TRDMT1: variants seen among roughly 807,000 people sequenced by gnomAD.
TRDMT1 encodes the protein tRNA (cytosine(38)-C(5))-methyltransferase.
Under a neutral mutation model 51.2 loss-of-function variants are expected in TRDMT1, and 49 were observed. The observed-to-expected ratio is 0.96, with a 90% CI of 0.76 to 1.21. The LOEUF (loss-of-function observed/expected upper bound fraction) is 1.21. Ranked by LOEUF, TRDMT1 falls within the 50% of genes most tolerant of loss-of-function variation. The pLI is 0.00. For missense variants in TRDMT1, 534 were observed against 462.3 expected (o/e 1.16, Z -1.42); for synonymous variants, 187 against 164.6 (o/e 1.14, Z -1.04).
intron 10 of TRDMT1, chr10:17,151,744 A>G (rs1588703208): frequency 1.2e-6 from 1 of 818,540 alleles, no homozygotes; most frequent in Non-Finnish European, 1.5e-6. Flanking sequence ...AAAAGTAAAT[A>G]CATGGCTCAT....
At chr10:17,175,549 G>C (rs1302903792) in intron 1 of TRDMT1, among the ~76,000 whole-genome samples, 1 of 151,830 alleles carries the variant, frequency 6.6e-6, no homozygotes, top group Non-Finnish European at 1.5e-5. Flanking sequence ...GAAAGTATTT[G>C]AGACTTCAGA....
rs770273932 is a variant in TRDMT1, at chr10:17,201,661, G to A, written c.-27C>T. Reference sequence around the variant, plus strand: ...CCCGCGCCTCAGCCGCCGCAGCCCCGGAGCTAGGCCTGCCGGTCCGTCGCT... The same window carrying A: ...CCCGCGCCTCAGCCGCCGCAGCCCCAGAGCTAGGCCTGCCGGTCCGTCGCT... On this transcript the variant is annotated 5_prime_UTR_variant, in exon 1 of 11. Transcript: ENST00000377799. 18 of 1,536,066 alleles carry A rather than the reference G, an allele frequency of 1.2e-5. No homozygotes were observed. In the South Asian group the frequency reaches 1.6e-4, roughly 13 times the overall value.
intron 9 of TRDMT1, 115 bp downstream of exon 9, chr10:17,154,562 T>A (rs1039274268): frequency 1.8e-5 from 10 of 564,240 alleles, no homozygotes; most frequent in Non-Finnish European, 2.5e-5. Flanking sequence ...TATGAATGAA[T>A]AAAATATATA....
chr10:17,150,619 T>C lies in TRDMT1; in HGVS notation c.1076-1479A>G, dbSNP rs181707352. On this transcript the variant is annotated intron_variant, in intron 10 of 10. Coordinates refer to ENST00000377799, the MANE Select transcript of TRDMT1 (RefSeq NM_004412.7). ...GCATAGCAAGGAAATAAAGGAAAAA[T>C]AAGTTAGATAAGAAAATGAAAAACA... The C allele has an allele frequency of 6.4e-5, 63 of 985,016 alleles. No individual in the cohort carries two copies. In the African/African-American group the frequency reaches 1.0e-3, roughly 16 times the overall value. The allele number at this position is 985,016 out of a possible 1,614,324, so 61.0% of individuals were successfully genotyped here.
At position 17,142,538 on chromosome 10, in the gene TRDMT1, C is replaced by T. The variant is rs1043895764; in HGVS notation, c.*6502G>A. ...ATAAAAAATCTTCCTGGGTTAGATG[C>T]TTTTTGCCAGAGGCCCCTGGATGCT... On this transcript the variant is annotated 3_prime_UTR_variant, in exon 11 of 11. Transcript: ENST00000377799. 6.6e-6 allele frequency: 1 copy of T among 152,114 alleles called. No individual in the cohort carries two copies. Among genetic ancestry groups the T allele is most frequent in the Non-Finnish European group, 1.5e-5 (1 of 68,066 alleles). 9.4% of individuals were successfully genotyped at this position (152,114 alleles called of 1,614,324 possible). A position where few individuals can be genotyped will look rare whatever the true frequency, so the allele number is the denominator to read the frequency against.
At chr10:17,188,086 T>C (rs554169652) in intron 1 of TRDMT1, among the ~76,000 whole-genome samples, 1 of 149,934 alleles carries the variant, frequency 6.7e-6, no homozygotes, top group East Asian at 1.9e-4. Context: ...ACAAACTCTG[T>C]TTTTTGAACT....
At chr10:17,186,026 C>T (rs1843848780) in intron 1 of TRDMT1, among the ~76,000 whole-genome samples, 1 of 149,744 alleles carries the variant, frequency 6.7e-6, no homozygotes, top group Non-Finnish European at 1.5e-5. Flanking sequence ...ATGTTGTGCA[C>T]ATGTACCCTA....
At chr10:17,180,108 GT>G (rs1843095269) in intron 1 of TRDMT1, among the ~76,000 whole-genome samples, 1 of 152,082 alleles carries the variant, frequency 6.6e-6, no homozygotes, top group African/African-American at 2.4e-5. Context: ...TAATTCACTG[GT>G]TAGAAACTAA....
chr10:17,192,579 T>C (rs956585408), intron 1 of TRDMT1, among the ~76,000 whole-genome samples: 2 of 152,198 alleles, frequency 1.3e-5, no homozygotes, highest in East Asian at 3.9e-4. Context: ...AATGTAGGTG[T>C]GCTCTCCTTC....
chr10:17,150,532 G>A lies in TRDMT1; in HGVS notation c.1076-1392C>T, dbSNP rs565132211. On this transcript the variant is annotated intron_variant, in intron 10 of 10. Transcript: ENST00000377799. ...AATATCAGCATAAAAGACTGTCCAC[G>A]TACAAGCGTGTGCACTATAATGTTA... 1.2e-5 allele frequency: 12 copies of A among 985,310 alleles called. No individual in the cohort carries two copies. In the East Asian group the frequency reaches 5.7e-4, roughly 47 times the overall value. The allele number at this position is 985,310 out of a possible 1,614,324, so 61.0% of individuals were successfully genotyped here. A position where few individuals can be genotyped will look rare whatever the true frequency, so the allele number is the denominator to read the frequency against.
chr10:17,161,443 C>T (rs772446148), intron 5 of TRDMT1, 40 bp downstream of exon 5: 1 of 1,305,066 alleles, frequency 7.7e-7, no homozygotes, highest in South Asian at 1.6e-5. Flanking sequence ...ATAAGATATA[C>T]CAAGTCTAAG....
At position 17,179,064 on chromosome 10, in the gene TRDMT1, A is replaced by G. The variant is rs61841797; in HGVS notation, c.65-4404T>C. ...AATGTAAAAAAAAAGGAGCACAGTG[A>G]AGGAATCTACAAGGAATGGAAAATA... is the stretch of plus-strand genomic sequence containing the variant. On this transcript the variant is annotated intron_variant, in intron 1 of 10. Coordinates refer to ENST00000377799, the MANE Select transcript of TRDMT1 (RefSeq NM_004412.7). Among the ~76,000 whole-genome samples, 921 of 152,314 alleles carry G rather than the reference A, an allele frequency of 6.0e-3. 5 individuals carry two copies. Among genetic ancestry groups the G allele is most frequent in the South Asian group, 9.8e-3 (47 of 4,820 alleles).
chr10:17,151,019 G>T, intron 10 of TRDMT1: 2 of 976,816 alleles, frequency 2.0e-6, no homozygotes, highest in Non-Finnish European at 2.4e-6. Flanking sequence ...GTGTGTGTGT[G>T]TGCGTGCATC....
chr10:17,157,415 A>G (rs1281420052), intron 8 of TRDMT1, 26 bp downstream of exon 8: 25 of 1,521,148 alleles, frequency 1.6e-5, no homozygotes, highest in Non-Finnish European at 2.2e-5. Context: ...TTTTGGATAC[A>G]GGATCAATAG....
At position 17,146,460 on chromosome 10, in the gene TRDMT1, G is replaced by A. The variant is rs952953050; in HGVS notation, c.*2580C>T. The A allele has an allele frequency of 1.2e-5, 12 of 985,244 alleles. No homozygotes were observed. The South Asian group carries it at 1.9e-4, about 15-fold the overall frequency. The allele number at this position is 985,244 out of a possible 1,614,324, so 61.0% of individuals were successfully genotyped here. On this transcript the variant is annotated 3_prime_UTR_variant, in exon 11 of 11. Coordinates refer to ENST00000377799, the MANE Select transcript of TRDMT1 (RefSeq NM_004412.7). ...TCCTACAATGACTACCCACCTCTTC[G>A]AAATCATTTTCCAACTATGACTCAT...
At chr10:17,162,100 G>C in intron 4 of TRDMT1, 66 bp downstream of exon 4, 1 of 1,396,320 alleles carries the variant, frequency 7.2e-7, no homozygotes, top group Non-Finnish European at 1.0e-6. Flanking sequence ...AATGACAAAC[G>C]TCACATTCTT....
chr10:17,143,809 G>A lies in TRDMT1; in HGVS notation c.*5231C>T. The A allele has an allele frequency of 2.0e-6, 2 of 985,424 alleles. No individual in the cohort carries two copies. Among genetic ancestry groups the A allele is most frequent in the Non-Finnish European group, 2.4e-6 (2 of 829,924 alleles). 61.0% of individuals were successfully genotyped at this position (985,424 alleles called of 1,614,324 possible). The stretch of plus-strand genomic sequence containing the variant: ...GAAGGTGAAGATGATCTTTGGTTAT[G>A]AAGCTTGAACTTGGAAGATGTGGAG... On this transcript the variant is annotated 3_prime_UTR_variant, in exon 11 of 11. Coordinates refer to ENST00000377799, the MANE Select transcript of TRDMT1 (RefSeq NM_004412.7).
Position 17,144,032 on chromosome 10 carries a change from T to C in TRDMT1, c.*5008A>G, listed in dbSNP as rs1157958500. On this transcript the variant is annotated 3_prime_UTR_variant, in exon 11 of 11. Transcript: ENST00000377799. ...CAGATTTAGAGTCATCTGGGTGTCA[T>C]CGGCAAAATGGCTGAAGTTGTAGGA... 2 of 985,400 alleles carry C rather than the reference T, an allele frequency of 2.0e-6. No homozygotes were observed. The highest frequency in any genetic ancestry group is 2.4e-6 in the Non-Finnish European group (2 of 829,938). 61.0% of individuals were successfully genotyped at this position (985,400 alleles called of 1,614,324 possible). A position where few individuals can be genotyped will look rare whatever the true frequency, so the allele number is the denominator to read the frequency against.
Position 17,139,197 on chromosome 10 carries a change from T to G in TRDMT1, c.*9843A>C. On this transcript the variant is annotated 3_prime_UTR_variant, in exon 11 of 11. Coordinates refer to ENST00000377799, the MANE Select transcript of TRDMT1 (RefSeq NM_004412.7). ...AACCCTCCTGCCATCCTGTTCCAAATCAACCTAAAAAGGACAAAATGAGTT... is the reference window on the plus strand; with the variant it reads ...AACCCTCCTGCCATCCTGTTCCAAAGCAACCTAAAAAGGACAAAATGAGTT... 1 of 985,330 alleles carries G rather than the reference T, an allele frequency of 1.0e-6. No individual in the cohort carries two copies. The highest frequency in any genetic ancestry group is 1.2e-6 in the Non-Finnish European group (1 of 829,900). 61.0% of individuals were successfully genotyped at this position (985,330 alleles called of 1,614,324 possible). A position where few individuals can be genotyped will look rare whatever the true frequency, so the allele number is the denominator to read the frequency against.
Sources: gnomAD v4.1 joint callset for allele counts (sites outside exome capture counted in the v4.1 genomes callset) on GRCh38, gnomAD v4.1.1 for gene constraint, MANE v1.5 for transcripts, NCBI Gene and HGNC (gene_info 2026-07-23, HGNC 2026-07-21) for gene names.